PTPRE: variants seen among roughly 807,000 people sequenced by gnomAD.
PTPRE encodes the protein receptor-type tyrosine-protein phosphatase epsilon.
PTPRE carries 51 observed loss-of-function variants against 102.0 expected under a neutral mutation model. The ratio of observed to expected loss-of-function variants is 0.50; its 90% CI spans 0.40 to 0.63. The LOEUF is 0.63. Among genes scored for constraint, PTPRE ranks in the 30% least tolerant of loss-of-function variants. The probability of loss-of-function intolerance (pLI) is 0.00; values close to 1 mark genes in which losing one functional copy is unlikely to be tolerated. For synonymous variants in PTPRE, 345 were observed against 348.2 expected (o/e 0.99, Z 0.10); for missense variants, 752 against 915.1 (o/e 0.82, Z 2.30).
At chr10:127,914,061 T>C (rs1261716548) in intron 1 of PTPRE, among the ~76,000 whole-genome samples, 1 of 152,126 alleles carries the variant, frequency 6.6e-6, no homozygotes, top group Non-Finnish European at 1.5e-5. Flanking sequence ...ACTAGCGCCA[T>C]CCCTTTAGTG....
chr10:128,054,769 C>T (rs1848815823), intron 6 of PTPRE, among the ~76,000 whole-genome samples: 1 of 152,068 alleles, frequency 6.6e-6, no homozygotes, highest in South Asian at 2.1e-4. Flanking sequence ...CTCGGGACAC[C>T]TGTGGGTGGC....
intron 6 of PTPRE, among the ~76,000 whole-genome samples, chr10:128,051,277 G>C (rs1405933637): frequency 6.6e-6 from 1 of 152,244 alleles, no homozygotes; most frequent in African/African-American, 2.4e-5. Flanking sequence ...ATAGGGTGGG[G>C]CAGGTGAGAC....
Position 128,050,330 on chromosome 10 carries a change from C to CGGATGGATGGAT in PTPRE, c.420+700_420+711dup, listed in dbSNP as rs562305572. ...ATGGATGGATGGATGAGTGGGAGGG[C>CGGATGGATGGAT]GGATGGATGGATGGATGGATGGATG... On this transcript the variant is annotated intron_variant, in intron 6 of 20. Transcript: ENST00000254667. Among the ~76,000 whole-genome samples the CGGATGGATGGAT allele has an allele frequency of 6.4e-4, 61 of 94,656 alleles. 2 individuals carry two copies. Among genetic ancestry groups the CGGATGGATGGAT allele is most frequent in the Middle Eastern group, 6.3e-3 (1 of 160 alleles). The allele number at this position is 94,656 out of a possible 152,430, so 62.1% of individuals were successfully genotyped here. A position where few individuals can be genotyped will look rare whatever the true frequency, so the allele number is the denominator to read the frequency against.
At chr10:128,034,522 C>G (rs190757076) in intron 2 of PTPRE, among the ~76,000 whole-genome samples, 10 of 150,676 alleles carry the variant, frequency 6.6e-5, no homozygotes, top group African/African-American at 2.2e-4. Flanking sequence ...AGACCCCCCC[C>G]ATCTTTACGA....
At chr10:128,061,138 A>T (rs1849553990) in intron 8 of PTPRE, 123 bp downstream of exon 8, 1 of 911,504 alleles carries the variant, frequency 1.1e-6, no homozygotes, top group Non-Finnish European at 1.7e-6. Flanking sequence ...CCACAAGCAC[A>T]AAGGGTACGG....
intron 3 of PTPRE, among the ~76,000 whole-genome samples, chr10:128,043,452 C>A (rs1034388936): frequency 6.6e-6 from 1 of 152,190 alleles, no homozygotes; most frequent in Non-Finnish European, 1.5e-5. Flanking sequence ...GGCGCTCAGG[C>A]GATAATGCCT....
chr10:127,990,431 AAAG>A (rs1852527096), intron 2 of PTPRE, among the ~76,000 whole-genome samples: 4 of 151,398 alleles, frequency 2.6e-5, no homozygotes, highest in African/African-American at 4.9e-5. Flanking sequence ...AAAAAAAAAA[AAAG>A]AAAGAAAAGA....
chr10:127,981,932 G>A (rs1009003190), intron 1 of PTPRE, among the ~76,000 whole-genome samples: 1 of 152,194 alleles, frequency 6.6e-6, no homozygotes, highest in African/African-American at 2.4e-5. Flanking sequence ...GGCTCTTCTG[G>A]GGGGAGGATG....
At chr10:127,958,313 A>G (rs1410988569) in intron 1 of PTPRE, among the ~76,000 whole-genome samples, 3 of 152,326 alleles carry the variant, frequency 2.0e-5, no homozygotes, top group South Asian at 2.1e-4. Flanking sequence ...CCATTAACGT[A>G]TGACATTAGC....
rs117420831 is a variant in PTPRE, at chr10:128,005,735, G to C, written c.-8+23439G>C. ...AGGACGCTGGGCAGGCCGGCCATAA[G>C]CCAGCAGTTTACTGGAAATGTAATG... On this transcript the variant is annotated intron_variant, in intron 2 of 20. Coordinates refer to ENST00000254667, the MANE Select transcript of PTPRE (RefSeq NM_006504.6). 2.3e-3 allele frequency among the ~76,000 whole-genome samples: 354 copies of C among 152,324 alleles called. 7 individuals are homozygous for C. The highest frequency in any genetic ancestry group is 0.021 in the East Asian group (110 of 5,178).
intron 2 of PTPRE, among the ~76,000 whole-genome samples, chr10:128,014,251 G>A (rs1255693498): frequency 6.6e-6 from 1 of 152,206 alleles, no homozygotes; most frequent in Non-Finnish European, 1.5e-5. Flanking sequence ...CAGGGAGGTT[G>A]TGAAGCAGCT....
intron 1 of PTPRE, among the ~76,000 whole-genome samples, chr10:127,945,678 T>G (rs1848572934): frequency 6.6e-6 from 1 of 152,142 alleles, no homozygotes; most frequent in African/African-American, 2.4e-5. Context: ...GAGCAGGGCT[T>G]TCTTCCTCTC....
intron 1 of PTPRE, among the ~76,000 whole-genome samples, chr10:127,914,421 C>T (rs1253509914): frequency 6.6e-6 from 1 of 152,194 alleles, no homozygotes; most frequent in African/African-American, 2.4e-5. Context: ...TCATACTTCC[C>T]AGGATAGGCT....
intron 1 of PTPRE, among the ~76,000 whole-genome samples, chr10:127,975,510 T>A (rs1031856155): frequency 1.4e-4 from 21 of 152,114 alleles, no homozygotes; most frequent in Non-Finnish European, 3.1e-4. Flanking sequence ...GACAGCCGAG[T>A]GTCAAGATCA....
intron 1 of PTPRE, among the ~76,000 whole-genome samples, chr10:127,978,754 C>T (rs867913146): frequency 1.3e-4 from 20 of 152,236 alleles, no homozygotes; most frequent in Middle Eastern, 6.8e-3. Context: ...GGCTTGGTAA[C>T]TCATGCCTGT....
chr10:127,987,959 G>T (rs1183909907), intron 2 of PTPRE, among the ~76,000 whole-genome samples: 1 of 152,246 alleles, frequency 6.6e-6, no homozygotes, highest in Non-Finnish European at 1.5e-5. Context: ...CACTCTGTGT[G>T]TAAGGGTTTC....
At chr10:127,948,702 C>G (rs761195202) in intron 1 of PTPRE, among the ~76,000 whole-genome samples, 2 of 152,188 alleles carry the variant, frequency 1.3e-5, no homozygotes, top group African/African-American at 4.8e-5. Context: ...TTCCTTTTAG[C>G]GCTGAATAGC....
intron 1 of PTPRE, among the ~76,000 whole-genome samples, chr10:127,928,094 C>G (rs1225097118): frequency 6.6e-6 from 1 of 152,116 alleles, no homozygotes; most frequent in African/African-American, 2.4e-5. Flanking sequence ...TTGTAAATTG[C>G]ATTAGTGGTG....
intron 1 of PTPRE, among the ~76,000 whole-genome samples, chr10:127,941,881 G>C (rs2135294591): frequency 6.6e-6 from 1 of 152,236 alleles, no homozygotes; most frequent in South Asian, 2.1e-4. Context: ...GTAGGGGACA[G>C]GTGAGGGCTG....
Sources: gnomAD v4.1 joint callset for allele counts (sites outside exome capture counted in the v4.1 genomes callset) on GRCh38, gnomAD v4.1.1 for gene constraint, MANE v1.5 for transcripts, NCBI Gene and HGNC (gene_info 2026-07-23, HGNC 2026-07-21) for gene names.